The following EFCAB6 variants were observed in gnomAD, a reference collection of about 807,000 sequenced individuals.
EFCAB6 encodes the protein EF-hand calcium binding domain 6, also known as EF-hand calcium-binding domain-containing protein 6.
Under a neutral mutation model 169.8 loss-of-function variants are expected in EFCAB6, and 156 were observed. The observed-to-expected ratio is 0.92, with a 90% CI of 0.81 to 1.05. The LOEUF is 1.05. EFCAB6 is among the 50% of genes least tolerant of loss of function. The pLI is 0.00. For synonymous variants in EFCAB6, 698 were observed against 676.4 expected, an observed-to-expected ratio of 1.03 and a Z score of -0.50; for missense variants, 1,800 against 1,829.1, an observed-to-expected ratio of 0.98 and a Z score of 0.29.
chr22:43,638,862 C>T (rs898597041), intron 17 of EFCAB6, among the ~76,000 whole-genome samples: 16 of 150,344 alleles, frequency 1.1e-4, no homozygotes, highest in African/African-American at 3.2e-4. Flanking sequence ...CTCGGCTCAC[C>T]GCAACCTCTG....
chr22:43,628,880 C>A lies in EFCAB6; in HGVS notation c.2233-2201G>T, dbSNP rs1405613286. Among the ~76,000 whole-genome samples the A allele has an allele frequency of 6.6e-6, 1 of 152,192 alleles. No homozygotes were observed. Among genetic ancestry groups the A allele is most frequent in the Non-Finnish European group, 1.5e-5 (1 of 68,036 alleles). The stretch of plus-strand genomic sequence containing the variant: ...TTCCCCCTAGAACATAAGCATGAGT[C>A]TGGGCTCTGATCTGTTCCCTGTTGC... On this transcript the variant is annotated intron_variant, in intron 19 of 31. Coordinates refer to ENST00000262726, the MANE Select transcript of EFCAB6 (RefSeq NM_022785.4). The surrounding 1 kb of genome is among the most constrained non-coding windows in gnomAD (Gnocchi z 4.8).
At chr22:43,593,621 G>A (rs965351432) in intron 23 of EFCAB6, among the ~76,000 whole-genome samples, 3 of 152,170 alleles carry the variant, frequency 2.0e-5, no homozygotes, top group Admixed American at 6.5e-5. Flanking sequence ...TAACTTAGAC[G>A]TAATTCAGGG....
chr22:43,768,302 C>A (rs112696306), intron 4 of EFCAB6, among the ~76,000 whole-genome samples: 83 of 152,344 alleles, frequency 5.4e-4, no homozygotes, highest in African/African-American at 1.5e-3. Context: ...ATTCCTGACA[C>A]AGGTCTTCAA....
At position 43,744,792 on chromosome 22, in the gene EFCAB6, GC is replaced by G. The variant is rs2060504332; in HGVS notation, c.508-8800del. Among the ~76,000 whole-genome samples the G allele has an allele frequency of 6.6e-6, 1 of 152,120 alleles. No homozygotes were observed. The highest frequency in any genetic ancestry group is 2.1e-4 in the South Asian group (1 of 4,836). ...GAGAGAGACATGCTCTCCTTCCCCAGCCCTCATCACAGACCCCATGATCTGG... is the reference window on the plus strand; with the variant it reads ...GAGAGAGACATGCTCTCCTTCCCCAGCCTCATCACAGACCCCATGATCTGG... On this transcript the variant is annotated intron_variant, in intron 6 of 31. Coordinates refer to ENST00000262726, the MANE Select transcript of EFCAB6 (RefSeq NM_022785.4). This position sits in a 1 kb window ranked among gnomAD's most constrained non-coding sequence, Gnocchi z 4.3.
chr22:43,649,920 G>A (rs1158173066), intron 17 of EFCAB6, among the ~76,000 whole-genome samples: 1 of 152,222 alleles, frequency 6.6e-6, no homozygotes, highest in African/African-American at 2.4e-5. Context: ...AGGAGCTCAT[G>A]AAACTGGAGA....
intron 10 of EFCAB6, among the ~76,000 whole-genome samples, chr22:43,688,859 G>A (rs1202987994): frequency 6.6e-6 from 1 of 152,216 alleles, no homozygotes; most frequent in Non-Finnish European, 1.5e-5. Flanking sequence ...AGATCTCAAA[G>A]TGGGCATGAA....
chr22:43,590,829 T>A (rs908863210), intron 23 of EFCAB6, among the ~76,000 whole-genome samples: 1 of 151,000 alleles, frequency 6.6e-6, no homozygotes, highest in South Asian at 2.1e-4. Flanking sequence ...TGAGCAAAGA[T>A]GGATGCAAAA....
chr22:43,650,075 T>G (rs2056391692), intron 17 of EFCAB6, among the ~76,000 whole-genome samples: 1 of 152,176 alleles, frequency 6.6e-6, no homozygotes, highest in Non-Finnish European at 1.5e-5. Context: ...GCAGGAAGCC[T>G]CTGAGAAGCA....
chr22:43,796,682 C>T (rs1186937748), intron 2 of EFCAB6, among the ~76,000 whole-genome samples: 1 of 152,112 alleles, frequency 6.6e-6, no homozygotes, highest in Non-Finnish European at 1.5e-5. Context: ...CAGACAATTA[C>T]GCTCTCTCCC....
At chr22:43,773,975 G>T (rs1182025494) in intron 3 of EFCAB6, among the ~76,000 whole-genome samples, 3 of 152,180 alleles carry the variant, frequency 2.0e-5, no homozygotes, top group Non-Finnish European at 2.9e-5. Context: ...CAAAGGAGAG[G>T]TGATACACCA....
In EFCAB6 at chr22:43,600,129, T is replaced by C. The variant is rs1388196998; in HGVS notation, c.2816A>G (p.Gln939Arg). Residue 939 changes from glutamine to arginine, a missense_variant, in exon 23 of 32, where the codon CAG becomes CGG. Gln to Arg is a conservative substitution (Grantham distance 43, BLOSUM62 1). Coordinates refer to ENST00000262726, the MANE Select transcript of EFCAB6 (RefSeq NM_022785.4). Reference sequence around the variant, plus strand: ...CTCCTTCATCTCTTCCTGTAGCTGCTGTGGCTTTGTAAAATGACCCATGAA... The same window carrying C: ...CTCCTTCATCTCTTCCTGTAGCTGCCGTGGCTTTGTAAAATGACCCATGAA... ...FNFMGHFTKP[Q>R]QLQEEMKELQ... 6.2e-7 allele frequency: 1 copy of C among 1,614,164 alleles called. No homozygotes were observed. The highest frequency in any genetic ancestry group is 2.2e-5 in the East Asian group (1 of 44,874).
At chr22:43,640,309 A>G (rs1205356426) in intron 17 of EFCAB6, among the ~76,000 whole-genome samples, 1 of 152,210 alleles carries the variant, frequency 6.6e-6, no homozygotes, top group Non-Finnish European at 1.5e-5. Flanking sequence ...TGTATTTTAT[A>G]TAAATCTATA....
chr22:43,572,765 G>A lies in EFCAB6; in HGVS notation c.3420+3532C>T, dbSNP rs1354162349. 6.6e-6 allele frequency among the ~76,000 whole-genome samples: 1 copy of A among 152,208 alleles called. No individual in the cohort carries two copies. Among genetic ancestry groups the A allele is most frequent in the African/African-American group, 2.4e-5 (1 of 41,454 alleles). On this transcript the variant is annotated intron_variant, in intron 26 of 31. Transcript: ENST00000262726. This position sits in a 1 kb window ranked among gnomAD's most constrained non-coding sequence, Gnocchi z 4.0. Reference sequence around the variant, plus strand: ...CTGCTGGAACCTGACATGTGACGGAGTCACTCACTCCTGCTCTGTCCCCCT... The same window carrying A: ...CTGCTGGAACCTGACATGTGACGGAATCACTCACTCCTGCTCTGTCCCCCT...
intron 3 of EFCAB6, among the ~76,000 whole-genome samples, chr22:43,775,734 G>A (rs879475908): frequency 6.6e-6 from 1 of 152,200 alleles, no homozygotes; most frequent in Non-Finnish European, 1.5e-5. Flanking sequence ...GTGAGCCACC[G>A]CACCCGGCCA....
chr22:43,696,162 C>T (rs1236103710), intron 10 of EFCAB6, among the ~76,000 whole-genome samples: 6 of 151,938 alleles, frequency 3.9e-5, no homozygotes, highest in Non-Finnish European at 8.8e-5. Context: ...CATTACTTAA[C>T]AAAAGAATAT....
intron 10 of EFCAB6, 48 bp downstream of exon 10, chr22:43,711,427 G>A (rs766068767): frequency 7.3e-6 from 11 of 1,502,274 alleles, no homozygotes; most frequent in South Asian, 1.3e-5. Flanking sequence ...TTATTCTTAC[G>A]GTTGACGTTT....
At chr22:43,758,389 G>A (rs1351788668) in intron 5 of EFCAB6, among the ~76,000 whole-genome samples, 1 of 151,818 alleles carries the variant, frequency 6.6e-6, no homozygotes, top group East Asian at 1.9e-4. Context: ...TCCAAATGTT[G>A]GGAATTAAAT....
chr22:43,801,291 G>A (rs1271150923), intron 2 of EFCAB6, among the ~76,000 whole-genome samples: 2 of 152,048 alleles, frequency 1.3e-5, no homozygotes, highest in African/African-American at 4.8e-5. Context: ...CAAAAGTTGA[G>A]AGAATTCACC....
At chr22:43,780,164 T>C (rs547902700) in intron 3 of EFCAB6, among the ~76,000 whole-genome samples, 1 of 152,084 alleles carries the variant, frequency 6.6e-6, no homozygotes, top group Admixed American at 6.5e-5. Flanking sequence ...TCCTGAAGGG[T>C]AATCTGGTGG....
Sources: gnomAD v4.1 joint callset for allele counts (sites outside exome capture counted in the v4.1 genomes callset) on GRCh38, gnomAD v4.1.1 for gene constraint, Gnocchi (gnomAD v3.1) non-coding constraint, MANE v1.5 for transcripts, NCBI Gene and HGNC (gene_info 2026-07-23, HGNC 2026-07-21) for gene names.